KCNH8: variants seen among roughly 807,000 people sequenced by gnomAD.
The protein encoded by KCNH8 is potassium voltage-gated channel subfamily H member 8.
A neutral mutation model predicts 103.6 loss-of-function variants in KCNH8; 70 were observed. The observed-to-expected ratio is 0.68, with a 90% CI of 0.56 to 0.82. The LOEUF is 0.82. Among genes scored for constraint, KCNH8 ranks in the 40% least tolerant of loss-of-function variants. KCNH8 has a pLI of 0.00. For synonymous variants in KCNH8, 498 were observed against 489.4 expected, an observed-to-expected ratio of 1.02 and a Z score of -0.23; for missense variants, 1,217 against 1,329.9, an observed-to-expected ratio of 0.92 and a Z score of 1.32.
intron 1 of KCNH8, among the ~76,000 whole-genome samples, chr3:19,169,364 T>C (rs2063317916): frequency 6.7e-6 from 1 of 149,286 alleles, no homozygotes; most frequent in Non-Finnish European, 1.5e-5. Flanking sequence ...GTTCACGCCA[T>C]TCTCCTGCTT....
chr3:19,175,645 A>G (rs1216508088), intron 1 of KCNH8, among the ~76,000 whole-genome samples: 1 of 152,174 alleles, frequency 6.6e-6, no homozygotes, highest in Non-Finnish European at 1.5e-5. Context: ...TATTTTTCCT[A>G]TAAACTCTAC....
intron 15 of KCNH8, among the ~76,000 whole-genome samples, chr3:19,521,583 A>T (rs1041900361): frequency 1.3e-5 from 2 of 151,978 alleles, no homozygotes. Flanking sequence ...GTGAGAGAGG[A>T]TCAATGTTTT....
chr3:19,308,782 C>CCCTT (rs1484157878), intron 3 of KCNH8, among the ~76,000 whole-genome samples: 3 of 110,606 alleles, frequency 2.7e-5, no homozygotes, highest in Non-Finnish European at 5.3e-5. Context: ...CCCTCTCTCT[C>CCCTT]TCTCCCTCTC....
At chr3:19,369,977 TTTTAATA>T (rs2125115137) in intron 5 of KCNH8, among the ~76,000 whole-genome samples, 1 of 152,222 alleles carries the variant, frequency 6.6e-6, no homozygotes, top group African/African-American at 2.4e-5. Flanking sequence ...TTTGTTGCTG[TTTTAATA>T]AAGTGTATGC....
At chr3:19,243,867 C>T (rs957856999) in intron 1 of KCNH8, among the ~76,000 whole-genome samples, 4 of 152,066 alleles carry the variant, frequency 2.6e-5, no homozygotes, top group Admixed American at 2.0e-4. Flanking sequence ...GACTGTGCTT[C>T]TGGAGAATCA....
intron 6 of KCNH8, among the ~76,000 whole-genome samples, chr3:19,392,642 A>C (rs768695279): frequency 3.3e-5 from 5 of 152,088 alleles, no homozygotes; most frequent in African/African-American, 4.8e-5. Flanking sequence ...CAGTTAATGC[A>C]TCTCCATAGG....
chr3:19,337,867 T>G (rs1020836934), intron 3 of KCNH8, among the ~76,000 whole-genome samples: 1 of 151,986 alleles, frequency 6.6e-6, no homozygotes, highest in Non-Finnish European at 1.5e-5. Context: ...TTTGAAAGTT[T>G]AAAATCTTGC....
chr3:19,436,038 T>C (rs1330135737), intron 7 of KCNH8, among the ~76,000 whole-genome samples: 2 of 152,146 alleles, frequency 1.3e-5, no homozygotes, highest in East Asian at 1.9e-4. Flanking sequence ...ATGGTAACTA[T>C]GCAATCGAAA....
At chr3:19,312,906 G>A (rs1357144285) in intron 3 of KCNH8, among the ~76,000 whole-genome samples, 2 of 151,878 alleles carry the variant, frequency 1.3e-5, no homozygotes, top group Admixed American at 1.3e-4. Flanking sequence ...GTCAAGATGG[G>A]CCCATTTAAA....
At chr3:19,354,665 A>G (rs2065853788) in intron 5 of KCNH8, among the ~76,000 whole-genome samples, 1 of 152,200 alleles carries the variant, frequency 6.6e-6, no homozygotes. Flanking sequence ...TGCTGAGAAA[A>G]CTGGCTAGCA....
intron 11 of KCNH8, among the ~76,000 whole-genome samples, chr3:19,497,460 T>C (rs887719241): frequency 6.6e-6 from 1 of 152,190 alleles, no homozygotes; most frequent in African/African-American, 2.4e-5. Context: ...TTCTTATTAG[T>C]TTCAAATAAC....
intron 3 of KCNH8, among the ~76,000 whole-genome samples, chr3:19,314,601 CA>C (rs746887001): frequency 6.6e-6 from 1 of 151,766 alleles, no homozygotes; most frequent in Admixed American, 6.6e-5. Flanking sequence ...AAACAACAAA[CA>C]AAAAACCCCA....
intron 3 of KCNH8, among the ~76,000 whole-genome samples, chr3:19,309,981 A>T (rs1410952317): frequency 6.6e-6 from 1 of 151,852 alleles, no homozygotes; most frequent in Non-Finnish European, 1.5e-5. Flanking sequence ...AGGTTTTTGG[A>T]TCTTGTACAT....
intron 11 of KCNH8, among the ~76,000 whole-genome samples, chr3:19,476,721 C>T (rs2067984481): frequency 6.6e-6 from 1 of 152,100 alleles, no homozygotes; most frequent in South Asian, 2.1e-4. Flanking sequence ...AGTCAGTTTT[C>T]TTCACATAAT....
At chr3:19,286,893 A>G (rs1438702725) in intron 3 of KCNH8, among the ~76,000 whole-genome samples, 2 of 152,206 alleles carry the variant, frequency 1.3e-5, no homozygotes, top group Admixed American at 1.3e-4. Context: ...TTGTTATAGC[A>G]GCCCTAGCAA....
chr3:19,396,915 A>C (rs376560936), intron 7 of KCNH8, among the ~76,000 whole-genome samples: 36 of 152,012 alleles, frequency 2.4e-4, no homozygotes, highest in African/African-American at 8.4e-4. Context: ...GACCTGACCT[A>C]ATTTTCCTCA....
chr3:19,225,456 A>C (rs1414386072), intron 1 of KCNH8, among the ~76,000 whole-genome samples: 2 of 152,140 alleles, frequency 1.3e-5, no homozygotes, highest in African/African-American at 4.8e-5. Flanking sequence ...CAAAGTCCTC[A>C]GCAGTTATTA....
chr3:19,206,168 G>GTGTGTGTATATATATATATATATATA (rs979868166), intron 1 of KCNH8, among the ~76,000 whole-genome samples: 6 of 139,262 alleles, frequency 4.3e-5, no homozygotes, highest in African/African-American at 1.7e-4. Flanking sequence ...TGGTGTGTGT[G>GTGTGTGTATATATATATATATATATA]TATATATATA....
At chr3:19,372,634 A>T (rs1396469602) in intron 5 of KCNH8, among the ~76,000 whole-genome samples, 4 of 152,090 alleles carry the variant, frequency 2.6e-5, no homozygotes, top group Non-Finnish European at 5.9e-5. Context: ...CCTGGCCAGA[A>T]CTTCCAACAC....
Sources: gnomAD v4.1 joint callset for allele counts (sites outside exome capture counted in the v4.1 genomes callset) on GRCh38, gnomAD v4.1.1 for gene constraint, MANE v1.5 for transcripts, NCBI Gene and HGNC (gene_info 2026-07-23, HGNC 2026-07-21) for gene names.